SIPA1L3: variants seen among roughly 807,000 people sequenced by gnomAD.
SIPA1L3 encodes signal-induced proliferation-associated 1-like protein 3.
SIPA1L3 carries 59 observed loss-of-function variants against 150.1 expected under a neutral mutation model. The observed-to-expected ratio is 0.39, with a 90% CI of 0.32 to 0.49. SIPA1L3 has a LOEUF of 0.49. Among genes scored for constraint, SIPA1L3 ranks in the 20% least tolerant of loss-of-function variants. The pLI is 0.86. For missense variants in SIPA1L3, 2,211 were observed against 2,489.5 expected (o/e 0.89, Z 2.38); for synonymous variants, 1,070 against 1,077.6 (o/e 0.99, Z 0.14).
At chr19:38,174,416 G>A (rs997712954) in intron 15 of SIPA1L3, among the ~76,000 whole-genome samples, 1 of 152,158 alleles carries the variant, frequency 6.6e-6, no homozygotes, top group African/African-American at 2.4e-5. Context: ...CGGGGTATGT[G>A]GGTGAGCAGT....
At chr19:38,161,009 G>A (rs1367985774) in intron 13 of SIPA1L3, among the ~76,000 whole-genome samples, 1 of 152,180 alleles carries the variant, frequency 6.6e-6, no homozygotes, top group Non-Finnish European at 1.5e-5. Flanking sequence ...GAAAAATTAA[G>A]TTGTAGGACA....
chr19:38,093,752 C>T (rs1229889324), intron 4 of SIPA1L3, among the ~76,000 whole-genome samples: 4 of 152,216 alleles, frequency 2.6e-5, no homozygotes, highest in Admixed American at 6.5e-5. Context: ...CAGACAGTCT[C>T]GAGTGGACCT....
At chr19:37,956,225 C>T (rs1182402097) in intron 1 of SIPA1L3, among the ~76,000 whole-genome samples, 1 of 152,172 alleles carries the variant, frequency 6.6e-6, no homozygotes, top group African/African-American at 2.4e-5. Flanking sequence ...GCAGTGGTAT[C>T]TCATTGTAGT....
intron 2 of SIPA1L3, among the ~76,000 whole-genome samples, chr19:38,044,153 C>T (rs1265391834): frequency 6.6e-6 from 1 of 152,196 alleles, no homozygotes; most frequent in Non-Finnish European, 1.5e-5. Context: ...GGTGAAGATA[C>T]TGCATTGAGG....
intron 1 of SIPA1L3, among the ~76,000 whole-genome samples, chr19:37,939,691 A>T (rs1268346581): frequency 3.9e-5 from 6 of 152,216 alleles, no homozygotes; most frequent in Non-Finnish European, 5.9e-5. Context: ...GTCTGCTTAC[A>T]CCTTTGCCCA....
chr19:38,077,739 C>T (rs1392906483), intron 2 of SIPA1L3, among the ~76,000 whole-genome samples: 3 of 123,154 alleles, frequency 2.4e-5, no homozygotes, highest in East Asian at 2.8e-4. Flanking sequence ...GGAGCAATCT[C>T]GGCTCACTGC....
intron 1 of SIPA1L3, among the ~76,000 whole-genome samples, chr19:38,010,220 AGGAGACT>A (rs1332254018): frequency 2.0e-5 from 3 of 151,756 alleles, no homozygotes; most frequent in African/African-American, 7.3e-5. Flanking sequence ...GGGCAATATA[AGGAGACT>A]CTGTCTCTAC....
chr19:38,056,146 A>C (rs1969309171), intron 2 of SIPA1L3, among the ~76,000 whole-genome samples: 1 of 152,086 alleles, frequency 6.6e-6, no homozygotes, highest in South Asian at 2.1e-4. Context: ...GCTTCTGAGC[A>C]CCTCTTGATC....
chr19:38,083,206 G>T, intron 3 of SIPA1L3, 107 bp downstream of exon 3: 1 of 1,170,078 alleles, frequency 8.5e-7, no homozygotes. Context: ...TGGCACTGAG[G>T]ATGTGGCGGG....
At chr19:37,960,624 G>A (rs2046849380) in intron 1 of SIPA1L3, among the ~76,000 whole-genome samples, 2 of 151,584 alleles carry the variant, frequency 1.3e-5, no homozygotes, top group African/African-American at 4.9e-5. Flanking sequence ...AGCCAGGATG[G>A]TCTCGATCTC....
In SIPA1L3 at chr19:38,106,443, GCACCAAGTTAAAAAC is replaced by G. The variant is rs758695168; in HGVS notation, c.2030-91_2030-77del. The G allele has an allele frequency of 3.6e-6, 3 of 827,096 alleles. No homozygotes were observed. In the South Asian group the frequency reaches 4.0e-5, roughly 11 times the overall value. The allele number at this position is 827,096 out of a possible 1,614,324, so 51.2% of individuals were successfully genotyped here. On this transcript the variant is annotated intron_variant, in intron 6 of 21. Coordinates refer to ENST00000222345, the MANE Select transcript of SIPA1L3 (RefSeq NM_015073.3). ...TTTTTAAGAGTAGATTGAAGTGAAAGCACCAAGTTAAAAACCAGCACAGATGGTACGTGGGATATG... is the reference window on the plus strand; with the variant it reads ...TTTTTAAGAGTAGATTGAAGTGAAAGCAGCACAGATGGTACGTGGGATATG...
intron 6 of SIPA1L3, among the ~76,000 whole-genome samples, chr19:38,105,431 G>A (rs1417432089): frequency 2.6e-5 from 4 of 151,616 alleles, no homozygotes; most frequent in South Asian, 4.2e-4. Flanking sequence ...CTACCACTCA[G>A]TACAGTGTGA....
chr19:38,123,351 A>G (rs1490598580), intron 9 of SIPA1L3, among the ~76,000 whole-genome samples: 1 of 146,766 alleles, frequency 6.8e-6, no homozygotes, highest in Admixed American at 6.9e-5. Context: ...TAGTGGAGGG[A>G]AGGTCAGCAG....
intron 8 of SIPA1L3, among the ~76,000 whole-genome samples, chr19:38,110,663 A>C (rs954956950): frequency 6.6e-6 from 1 of 152,174 alleles, no homozygotes; most frequent in African/African-American, 2.4e-5. Flanking sequence ...ACAAAAAGAC[A>C]GTTGTGTATA....
rs1488913472 is a variant in SIPA1L3 at position 38,111,888 on chromosome 19, C to T, written c.2291+1504C>T. ...ACACACATGCACACGCACACGTGCA[C>T]AGGCACATGCACACACACACATGCA... On this transcript the variant is annotated intron_variant, in intron 8 of 21. Coordinates refer to ENST00000222345, the MANE Select transcript of SIPA1L3 (RefSeq NM_015073.3). Among the ~76,000 whole-genome samples the T allele has an allele frequency of 5.3e-5, 8 of 152,130 alleles. No individual in the cohort carries two copies. The East Asian group carries it at 1.5e-3, about 29-fold the overall frequency.
At chr19:38,075,230 G>A (rs976928911) in intron 2 of SIPA1L3, among the ~76,000 whole-genome samples, 1 of 152,276 alleles carries the variant, frequency 6.6e-6, no homozygotes, top group East Asian at 1.9e-4. Context: ...GCCGAGGTAG[G>A]CAGATCACCT....
intron 2 of SIPA1L3, among the ~76,000 whole-genome samples, chr19:38,051,672 T>C (rs976157990): frequency 4.6e-5 from 7 of 151,966 alleles, no homozygotes; most frequent in Non-Finnish European, 1.0e-4. Context: ...TCTTAGCTCA[T>C]TGCAGACTCG....
chr19:38,062,153 AC>A (rs958932089), intron 2 of SIPA1L3, among the ~76,000 whole-genome samples: 4 of 151,840 alleles, frequency 2.6e-5, no homozygotes. Flanking sequence ...GGTGGCACTT[AC>A]CCCCTCTGGT....
At chr19:38,029,404 T>G (rs1968593824) in intron 2 of SIPA1L3, among the ~76,000 whole-genome samples, 1 of 152,184 alleles carries the variant, frequency 6.6e-6, no homozygotes, top group South Asian at 2.1e-4. Context: ...TTTGGTTCGT[T>G]GTGTGAGAAA....
Sources: allele counts gnomAD v4.1 joint callset (sites outside exome capture counted in the v4.1 genomes callset), GRCh38; gene constraint gnomAD v4.1.1; transcripts MANE v1.5; gene names NCBI Gene and HGNC (gene_info 2026-07-23, HGNC 2026-07-21).